PPP2R2B: variants seen among roughly 807,000 people sequenced by gnomAD.
PPP2R2B encodes the protein protein phosphatase 2 regulatory subunit Bbeta, also known as serine/threonine-protein phosphatase 2A 55 kDa regulatory subunit B beta isoform.
In PPP2R2B, 5 loss-of-function variants were observed where a neutral mutation model predicts 46.0. The ratio of observed to expected loss-of-function variants is 0.11; its 90% CI spans 0.06 to 0.23. The LOEUF is 0.23. Among genes scored for constraint, PPP2R2B ranks in the 10% least tolerant of loss-of-function variants. PPP2R2B has a pLI of 1.00. For synonymous variants in PPP2R2B, 215 were observed against 206.7 expected (o/e 1.04, Z -0.34); for missense variants, 367 against 575.0 (o/e 0.64, Z 3.70).
At chr5:146,905,862 T>G (rs1417354736) in intron 1 of PPP2R2B, among the ~76,000 whole-genome samples, 2 of 152,278 alleles carry the variant, frequency 1.3e-5, no homozygotes, top group African/African-American at 2.4e-5. Flanking sequence ...GATTTCAAAA[T>G]AGCAGGAGTC....
At chr5:146,910,570 G>A (rs1042147709) in intron 1 of PPP2R2B, among the ~76,000 whole-genome samples, 1 of 152,120 alleles carries the variant, frequency 6.6e-6, no homozygotes, top group Admixed American at 6.5e-5. Context: ...AAGGGTGATG[G>A]TAATAGCAAC....
rs1390503126 is a variant in PPP2R2B, at chr5:146,937,796, G to A, written c.79+117869C>T. ...GTGGGACAGATGATCTGAAATTTAT[G>A]TCTGTTTGGCTTCTGTATGTACAAT... On this transcript the variant is annotated intron_variant, in intron 1 of 8. Transcript: ENST00000336640. 2.0e-5 allele frequency among the ~76,000 whole-genome samples: 3 copies of A among 152,164 alleles called. No individual in the cohort carries two copies. In the East Asian group the frequency reaches 5.8e-4, roughly 29 times the overall value.
chr5:146,690,812 C>T (rs960684560), intron 5 of PPP2R2B, among the ~76,000 whole-genome samples: 1 of 152,208 alleles, frequency 6.6e-6, no homozygotes, highest in Non-Finnish European at 1.5e-5. Context: ...ATCCCTGTAC[C>T]TTCAGTACAG....
intron 5 of PPP2R2B, among the ~76,000 whole-genome samples, chr5:146,654,591 T>C (rs555140913): frequency 1.3e-4 from 20 of 152,298 alleles, no homozygotes; most frequent in African/African-American, 4.6e-4. Context: ...GAGGCCATAG[T>C]GTCTAGGCCT....
chr5:146,666,980 C>T (rs1230748309), intron 5 of PPP2R2B, among the ~76,000 whole-genome samples: 2 of 152,108 alleles, frequency 1.3e-5, no homozygotes, highest in East Asian at 3.9e-4. Context: ...AGATCTGTTG[C>T]TTTCTCTTAA....
At position 146,587,794 on chromosome 5, in the gene PPP2R2B, A is replaced by G. The variant is rs1415832396; in HGVS notation, c.*2153T>C. On this transcript the variant is annotated 3_prime_UTR_variant, in exon 10 of 10. Coordinates refer to ENST00000394411, the MANE Select transcript of PPP2R2B (RefSeq NM_181675.4). ...TCAGAGTTGAAATTTCATGCATATT[A>G]TTTCTTTGGAGGAGGCTAAGTCTTG... 1.3e-5 allele frequency: 2 copies of G among 152,338 alleles called. No homozygotes were observed. The highest frequency in any genetic ancestry group is 3.9e-4 in the East Asian group (2 of 5,186). The allele number at this position is 152,338 out of a possible 1,614,324, so 9.4% of individuals were successfully genotyped here.
intron 1 of PPP2R2B, among the ~76,000 whole-genome samples, chr5:147,006,322 A>C (rs1272367430): frequency 6.6e-6 from 1 of 152,246 alleles, no homozygotes; most frequent in Non-Finnish European, 1.5e-5. Flanking sequence ...ACCAATTCTA[A>C]GTTAATATGG....
intron 1 of PPP2R2B, among the ~76,000 whole-genome samples, chr5:147,017,263 A>T (rs1197898575): frequency 6.6e-6 from 1 of 151,538 alleles, no homozygotes; most frequent in Non-Finnish European, 1.5e-5. Flanking sequence ...CTGGGTTTCT[A>T]TTTGGATGAT....
intron 7 of PPP2R2B, among the ~76,000 whole-genome samples, chr5:146,617,844 G>GC (rs1199040698): frequency 3.3e-5 from 5 of 152,004 alleles, no homozygotes; most frequent in African/African-American, 1.2e-4. Flanking sequence ...ACAGACGTGT[G>GC]CCACCACGCC....
At chr5:146,770,727 T>C (rs1754800703) in intron 2 of PPP2R2B, among the ~76,000 whole-genome samples, 1 of 152,164 alleles carries the variant, frequency 6.6e-6, no homozygotes, top group Non-Finnish European at 1.5e-5. Context: ...AGGTGTCGTC[T>C]GAGTTGGGAC....
At chr5:146,914,121 T>C (rs562316544) in intron 1 of PPP2R2B, 7 of 152,346 alleles carry the variant, frequency 4.6e-5, no homozygotes, top group Admixed American at 6.5e-5. Context: ...TTAGTGCATA[T>C]GTAAATTAAT....
chr5:146,831,090 TACTC>T (rs1394025012), intron 2 of PPP2R2B, among the ~76,000 whole-genome samples: 2 of 152,298 alleles, frequency 1.3e-5, no homozygotes, highest in African/African-American at 2.4e-5. Flanking sequence ...CAGTATGTGA[TACTC>T]AATCATGATA....
At chr5:146,829,662 TATGTAA>T (rs1448897796) in intron 2 of PPP2R2B, among the ~76,000 whole-genome samples, 5 of 152,158 alleles carry the variant, frequency 3.3e-5, no homozygotes, top group South Asian at 4.1e-4. Flanking sequence ...AAAACTGACT[TATGTAA>T]AAGAGGCGCA....
chr5:146,782,976 C>G (rs1755626842), intron 2 of PPP2R2B, among the ~76,000 whole-genome samples: 1 of 152,086 alleles, frequency 6.6e-6, no homozygotes, highest in Non-Finnish European at 1.5e-5. Context: ...ATCCTTTAAC[C>G]TGCTATCACA....
rs562557515 is a variant in PPP2R2B at position 146,856,859 on chromosome 5, T to G, written c.70+21143A>C. Among the ~76,000 whole-genome samples the G allele has an allele frequency of 1.6e-4, 24 of 152,288 alleles. No individual in the cohort carries two copies. In the East Asian group the frequency reaches 3.5e-3, roughly 22 times the overall value. ...CTCAAAGTGTTGCTCCTGATCATCA[T>G]CAGCAGCAGTAGGATTACCTGGGAA... On this transcript the variant is annotated intron_variant, in intron 2 of 9. Coordinates refer to ENST00000394411, the MANE Select transcript of PPP2R2B (RefSeq NM_181675.4).
intron 5 of PPP2R2B, among the ~76,000 whole-genome samples, chr5:146,666,858 A>G (rs1401086414): frequency 6.6e-6 from 1 of 152,200 alleles, no homozygotes; most frequent in Admixed American, 6.6e-5. Context: ...ATATCATGTC[A>G]TCAAGTAAAA....
chr5:146,891,353 A>T (rs767019377), intron 1 of PPP2R2B, among the ~76,000 whole-genome samples: 6 of 152,244 alleles, frequency 3.9e-5, no homozygotes. Flanking sequence ...CACATAATCC[A>T]CACCCAATAA....
chr5:146,939,490 T>C (rs1245256756), intron 1 of PPP2R2B, among the ~76,000 whole-genome samples: 1 of 152,218 alleles, frequency 6.6e-6, no homozygotes, highest in Non-Finnish European at 1.5e-5. Context: ...AGAGTCACAC[T>C]GCTACAAATT....
At chr5:147,033,953 C>T (rs1755912811) in intron 1 of PPP2R2B, among the ~76,000 whole-genome samples, 2 of 152,074 alleles carry the variant, frequency 1.3e-5, no homozygotes, top group Admixed American at 1.3e-4. Flanking sequence ...AAAATTAAGT[C>T]CTTGACCTAC....
Sources: gnomAD v4.1 joint callset for allele counts (sites outside exome capture counted in the v4.1 genomes callset) on GRCh38, gnomAD v4.1.1 for gene constraint, MANE v1.5 for transcripts, NCBI Gene and HGNC (gene_info 2026-07-23, HGNC 2026-07-21) for gene names.